GRM1: variants seen among roughly 807,000 people sequenced by gnomAD.
GRM1 encodes metabotropic glutamate receptor 1.
A neutral mutation model predicts 90.9 loss-of-function variants in GRM1; 33 were observed. That is an observed-to-expected ratio of 0.36 (90% confidence interval 0.28 to 0.49). GRM1 has a LOEUF of 0.49. GRM1 is among the 20% of genes least tolerant of loss of function. The pLI, the probability that GRM1 is intolerant of heterozygous loss-of-function variation, is 0.99. For synonymous variants in GRM1, 700 were observed against 613.2 expected, an observed-to-expected ratio of 1.14 and a Z score of -2.09; for missense variants, 1,190 against 1,534.3, an observed-to-expected ratio of 0.78 and a Z score of 3.75.
At chr6:146,247,779 G>GGTGTGT (rs370078805) in intron 2 of GRM1, among the ~76,000 whole-genome samples, 13 of 137,060 alleles carry the variant, frequency 9.5e-5, no homozygotes, top group East Asian at 6.2e-4. Context: ...AAATGTGTGT[G>GGTGTGT]GTGTGTGTGT....
chr6:146,058,269 C>A (rs961632754), intron 1 of GRM1, among the ~76,000 whole-genome samples: 2 of 151,972 alleles, frequency 1.3e-5, no homozygotes, highest in Non-Finnish European at 2.9e-5. Context: ...TACAGGTGTA[C>A]CTCAGAGATG....
chr6:146,177,044 A>G (rs1778363399), intron 2 of GRM1, among the ~76,000 whole-genome samples: 1 of 152,122 alleles, frequency 6.6e-6, no homozygotes, highest in African/African-American at 2.4e-5. Flanking sequence ...TACACATTTT[A>G]GCCTTGTATT....
intron 1 of GRM1, among the ~76,000 whole-genome samples, chr6:146,131,117 A>G (rs190114588): frequency 1.3e-5 from 2 of 152,286 alleles, no homozygotes; most frequent in African/African-American, 4.8e-5. Flanking sequence ...TAATTAAACA[A>G]TGTCTACTTC....
At chr6:146,282,650 G>C (rs1428222116) in intron 2 of GRM1, among the ~76,000 whole-genome samples, 1 of 151,968 alleles carries the variant, frequency 6.6e-6, no homozygotes, top group Non-Finnish European at 1.5e-5. Flanking sequence ...TTCTAGGCCA[G>C]AGTGCCTGAT....
Position 146,398,859 on chromosome 6 carries a change from C to A in GRM1, c.1820C>A (p.Thr607Asn). 6.2e-7 allele frequency: 1 copy of A among 1,613,740 alleles called. No individual in the cohort carries two copies. Among genetic ancestry groups the A allele is most frequent in the Non-Finnish European group, 8.5e-7 (1 of 1,179,682 alleles). ...IAFSCLGILVTLFVTLIFVLY... is the reference protein window; with the variant it reads ...IAFSCLGILVNLFVTLIFVLY... ...TTTTCATGCCTGGGAATCCTTGTTA[C>A]CTTGTTTGTCACCCTAATCTTTGTA... The change falls in exon 7 of 8, where the codon ACC (threonine) becomes AAC (asparagine). Residue 607 changes from threonine (T) to asparagine (N), a missense_variant. This residue lies in a region of GRM1 where 414 missense variants were observed against 598.4 expected (regional missense o/e 0.69). Transcript: ENST00000282753.
At chr6:146,398,070 G>C (rs779370146) in intron 6 of GRM1, among the ~76,000 whole-genome samples, 6 of 152,138 alleles carry the variant, frequency 3.9e-5, no homozygotes, top group Non-Finnish European at 7.3e-5. Flanking sequence ...AGGAATTTAG[G>C]AACAAATTCT....
intron 1 of GRM1, among the ~76,000 whole-genome samples, chr6:146,082,958 T>C (rs1296986215): frequency 2.0e-5 from 3 of 152,320 alleles, no homozygotes; most frequent in East Asian, 1.9e-4. Context: ...TCACATCCCT[T>C]GTTAGCTGTA....
intron 1 of GRM1, among the ~76,000 whole-genome samples, chr6:146,058,659 GCATAC>G (rs1360524376): frequency 3.2e-4 from 49 of 152,192 alleles, no homozygotes; most frequent in African/African-American, 1.1e-3. Context: ...CTTCTCTGTA[GCATAC>G]CATGCTGTTT....
At chr6:146,164,620 T>A (rs1035780747) in intron 2 of GRM1, among the ~76,000 whole-genome samples, 2 of 152,098 alleles carry the variant, frequency 1.3e-5, no homozygotes, top group African/African-American at 4.8e-5. Flanking sequence ...ATTTAGGTTG[T>A]CTTATTTGTC....
At chr6:146,312,765 A>G (rs1783821107) in intron 3 of GRM1, among the ~76,000 whole-genome samples, 1 of 152,228 alleles carries the variant, frequency 6.6e-6, no homozygotes, top group African/African-American at 2.4e-5. Context: ...AGACTGATCA[A>G]CTTGTTGAAT....
chr6:146,275,426 G>A (rs1286450434), intron 2 of GRM1, among the ~76,000 whole-genome samples: 1 of 152,080 alleles, frequency 6.6e-6, no homozygotes. Flanking sequence ...TGGGTGAGAA[G>A]GCGTGGGAAT....
At chr6:146,413,694 C>G (rs1777654393) in intron 7 of GRM1, among the ~76,000 whole-genome samples, 2 of 152,172 alleles carry the variant, frequency 1.3e-5, no homozygotes, top group African/African-American at 4.8e-5. Context: ...TGCCCTCACT[C>G]TAGAAAGTTT....
intron 1 of GRM1, among the ~76,000 whole-genome samples, chr6:146,070,868 AC>A (rs1322239953): frequency 6.6e-6 from 1 of 152,150 alleles, no homozygotes; most frequent in Non-Finnish European, 1.5e-5. Flanking sequence ...GGCTAAACCC[AC>A]ACCCTGTAAT....
In GRM1 at chr6:146,323,350, G is replaced by A. The variant is rs1784274235; in HGVS notation, c.1186+18504G>A. ...TTTCTTTGATGGCCGGTGATGATGA[G>A]CATTTTTTCATGTGTTTTTTGGCTG... On this transcript the variant is annotated intron_variant, in intron 3 of 7. Transcript: ENST00000282753. Among the ~76,000 whole-genome samples the A allele has an allele frequency of 2.0e-5, 3 of 152,178 alleles. No individual in the cohort carries two copies. The South Asian group carries it at 6.2e-4, about 32-fold the overall frequency.
intron 2 of GRM1, among the ~76,000 whole-genome samples, chr6:146,220,525 A>G (rs1780024761): frequency 1.3e-5 from 2 of 152,174 alleles, no homozygotes; most frequent in South Asian, 4.1e-4. Flanking sequence ...TGTTTTCTAC[A>G]ATTCATTATC....
At chr6:146,117,405 C>T (rs980749202) in intron 1 of GRM1, among the ~76,000 whole-genome samples, 9 of 151,832 alleles carry the variant, frequency 5.9e-5, no homozygotes, top group African/African-American at 9.6e-5. Flanking sequence ...TCATTTCTTA[C>T]CTTTCTGTAA....
intron 2 of GRM1, among the ~76,000 whole-genome samples, chr6:146,295,685 G>A (rs1583288300): frequency 1.3e-5 from 2 of 152,098 alleles, no homozygotes; most frequent in East Asian, 3.8e-4. Context: ...TCTAGTCTGT[G>A]TATGTATATG....
At chr6:146,154,636 A>G (rs927411226) in intron 1 of GRM1, among the ~76,000 whole-genome samples, 1 of 152,230 alleles carries the variant, frequency 6.6e-6, no homozygotes, top group African/African-American at 2.4e-5. Flanking sequence ...GGAATGTCTT[A>G]TTAGATTTAA....
chr6:146,387,599 G>A (rs1037154412), intron 6 of GRM1, among the ~76,000 whole-genome samples: 2 of 152,090 alleles, frequency 1.3e-5, no homozygotes, highest in African/African-American at 4.8e-5. Context: ...AAGCAGGCAA[G>A]AAGATGAAAG....
Sources: gnomAD v4.1 joint callset for allele counts (sites outside exome capture counted in the v4.1 genomes callset) on GRCh38, gnomAD v4.1.1 for gene constraint, gnomAD v4.1.1 regional missense constraint, MANE v1.5 for transcripts, NCBI Gene and HGNC (gene_info 2026-07-23, HGNC 2026-07-21) for gene names.